Variants in EYS observed in about 807,000 individuals in gnomAD.
EYS encodes protein eyes shut homolog.
Under a neutral mutation model 282.1 loss-of-function variants are expected in EYS, and 250 were observed. That is an observed-to-expected ratio of 0.89 (90% CI 0.80 to 0.98). The LOEUF (loss-of-function observed/expected upper bound fraction) is 0.98. Ranked by LOEUF, EYS falls within the 50% of genes least tolerant of loss-of-function variation. The pLI, the probability that EYS is intolerant of heterozygous loss-of-function variation, is 0.00. For missense variants in EYS, 4,016 were observed against 3,709.0 expected, an observed-to-expected ratio of 1.08 and a Z score of -2.15; for synonymous variants, 1,355 against 1,282.9, an observed-to-expected ratio of 1.06 and a Z score of -1.20.
At position 64,547,888 on chromosome 6, in the gene EYS, C is replaced by T. The variant is rs191066279; in HGVS notation, c.5644+42335G>A. ...GCCCTGCAAGGAGGCAGCTAAGGCC[C>T]GGCAAGAAGTCCAGCACAGCAGCTG... On this transcript the variant is annotated intron_variant, in intron 26 of 42. Coordinates refer to ENST00000503581, the MANE Select transcript of EYS (RefSeq NM_001142800.2). Among the ~76,000 whole-genome samples, 542 of 152,338 alleles carry T rather than the reference C, an allele frequency of 3.6e-3. 2 individuals carry two copies. Among genetic ancestry groups the T allele is most frequent in the Non-Finnish European group, 6.0e-3 (406 of 68,014 alleles).
chr6:64,498,487 G>A (rs1776952361), intron 26 of EYS, among the ~76,000 whole-genome samples: 1 of 151,404 alleles, frequency 6.6e-6, no homozygotes, highest in Non-Finnish European at 1.5e-5. Flanking sequence ...TTAAGTTCTG[G>A]GATACATGTG....
intron 1 of EYS, among the ~76,000 whole-genome samples, chr6:65,693,173 C>T (rs1769306616): frequency 6.7e-6 from 1 of 149,684 alleles, no homozygotes; most frequent in Non-Finnish European, 1.5e-5. Flanking sequence ...TTCCTTCCTT[C>T]TCTTTCTTTT....
chr6:64,365,307 A>ACAT (rs1417383112), intron 29 of EYS, among the ~76,000 whole-genome samples: 2 of 152,032 alleles, frequency 1.3e-5, no homozygotes, highest in Non-Finnish European at 2.9e-5. Context: ...AATTGGCAAC[A>ACAT]CATGGGTGAC....
At chr6:65,290,309 A>C (rs1403276728) in intron 12 of EYS, among the ~76,000 whole-genome samples, 2 of 151,132 alleles carry the variant, frequency 1.3e-5, no homozygotes, top group Non-Finnish European at 1.5e-5. Context: ...TATGAAAATA[A>C]GTTCTTGAAA....
At chr6:64,131,067 C>A (rs898782556) in intron 31 of EYS, among the ~76,000 whole-genome samples, 1 of 151,566 alleles carries the variant, frequency 6.6e-6, no homozygotes, top group Admixed American at 6.6e-5. Flanking sequence ...AGAGTTTCAC[C>A]ATGTTGGTCA....
intron 15 of EYS, among the ~76,000 whole-genome samples, chr6:64,919,722 T>G (rs1768278595): frequency 6.6e-6 from 1 of 152,186 alleles, no homozygotes; most frequent in Non-Finnish European, 1.5e-5. Flanking sequence ...ATATTCTATA[T>G]GATTTAATCT....
chr6:64,502,340 T>A (rs13212239), intron 26 of EYS, among the ~76,000 whole-genome samples: 53,526 of 151,790 alleles, frequency 0.35, 9,499 homozygotes, highest in East Asian at 0.47. Context: ...TCCGGGGTTC[T>A]CGTCATTCTC....
At chr6:64,450,119 A>AAG (rs1775271219) in intron 26 of EYS, among the ~76,000 whole-genome samples, 1 of 152,022 alleles carries the variant, frequency 6.6e-6, no homozygotes, top group African/African-American at 2.4e-5. Context: ...CCCATCTCGC[A>AAG]TGCAGAGACA....
intron 30 of EYS, among the ~76,000 whole-genome samples, chr6:64,259,996 G>A (rs1034706478): frequency 6.6e-6 from 1 of 151,680 alleles, no homozygotes; most frequent in Non-Finnish European, 1.5e-5. Flanking sequence ...ATATTTATTG[G>A]GACATTTAGC....
At chr6:64,996,645 G>A (rs1453149218) in intron 14 of EYS, among the ~76,000 whole-genome samples, 1 of 151,874 alleles carries the variant, frequency 6.6e-6, no homozygotes, top group Non-Finnish European at 1.5e-5. Context: ...GAGTAACTCT[G>A]TTTCTGGTCA....
chr6:63,793,121 A>G (rs1770558337), intron 37 of EYS, among the ~76,000 whole-genome samples: 1 of 152,226 alleles, frequency 6.6e-6, no homozygotes, highest in Non-Finnish European at 1.5e-5. Flanking sequence ...CTTACTTCAA[A>G]TGCAGGAAGA....
At chr6:64,435,546 A>G (rs1457841895) in intron 28 of EYS, among the ~76,000 whole-genome samples, 2 of 150,168 alleles carry the variant, frequency 1.3e-5, no homozygotes, top group Non-Finnish European at 1.5e-5. Flanking sequence ...TGGCTGTGGT[A>G]TGTGTTTTCA....
intron 19 of EYS, among the ~76,000 whole-genome samples, chr6:64,881,794 A>C (rs1452536677): frequency 6.6e-6 from 1 of 151,868 alleles, no homozygotes; most frequent in Non-Finnish European, 1.5e-5. Flanking sequence ...TAAATCTTCA[A>C]TGTAAACTCT....
intron 11 of EYS, among the ~76,000 whole-genome samples, chr6:65,326,709 T>C (rs550463644): frequency 2.0e-4 from 31 of 151,806 alleles, no homozygotes; most frequent in African/African-American, 7.5e-4. Flanking sequence ...TGAAAGCATT[T>C]AATAATCTTT....
At position 65,317,825 on chromosome 6, in the gene EYS, CCTTTCTTTCTTT is replaced by C. The variant is rs201156936; in HGVS notation, c.1766+17143_1766+17154del. ...TCCTTCCTTCCTTCCTTCCTTCCTT[CCTTTCTTTCTTT>C]CTTTCTTTCTTTCTTTCTTTCTTTC... On this transcript the variant is annotated intron_variant, in intron 11 of 42. Transcript: ENST00000503581. 6.7e-3 allele frequency among the ~76,000 whole-genome samples: 546 copies of C among 81,088 alleles called. 10 individuals carry two copies. The highest frequency in any genetic ancestry group is 6.3e-3 in the Non-Finnish European group (250 of 39,782). The allele number at this position is 81,088 out of a possible 152,430, so 53.2% of individuals were successfully genotyped here.
At chr6:64,529,751 C>A (rs542138415) in intron 26 of EYS, among the ~76,000 whole-genome samples, 1 of 152,084 alleles carries the variant, frequency 6.6e-6, no homozygotes, top group Non-Finnish European at 1.5e-5. Flanking sequence ...AATACTAGAG[C>A]TCAGCTGTCA....
At chr6:65,066,734 C>A (rs1278376562) in intron 12 of EYS, among the ~76,000 whole-genome samples, 1 of 152,052 alleles carries the variant, frequency 6.6e-6, no homozygotes, top group Non-Finnish European at 1.5e-5. Flanking sequence ...AAATGAGTTC[C>A]TTTCTTAGTA....
At chr6:64,901,509 T>C (rs967757683) in intron 18 of EYS, among the ~76,000 whole-genome samples, 1 of 151,730 alleles carries the variant, frequency 6.6e-6, no homozygotes, top group African/African-American at 2.4e-5. Context: ...AATACAAAAA[T>C]TGTATTTTTC....
At chr6:64,052,644 G>A (rs1003300564) in intron 33 of EYS, among the ~76,000 whole-genome samples, 4 of 152,110 alleles carry the variant, frequency 2.6e-5, no homozygotes, top group Non-Finnish European at 4.4e-5. Flanking sequence ...TTGGCTCTGT[G>A]TCTCCACCTG....
Sources: gnomAD v4.1 joint callset for allele counts (sites outside exome capture counted in the v4.1 genomes callset) on GRCh38, gnomAD v4.1.1 for gene constraint, MANE v1.5 for transcripts, NCBI Gene and HGNC (gene_info 2026-07-23, HGNC 2026-07-21) for gene names.